The following PRKCE variants were observed in gnomAD, a reference collection of about 807,000 sequenced individuals.
PRKCE encodes the protein protein kinase C epsilon type.
In PRKCE, 16 loss-of-function variants were observed where a neutral mutation model predicts 85.4. The ratio of observed to expected loss-of-function variants is 0.19; its 90% CI spans 0.13 to 0.28. The LOEUF is 0.28. Ranked by LOEUF, PRKCE falls within the 10% of genes least tolerant of loss-of-function variation. The pLI is 1.00. For missense variants in PRKCE, 573 were observed against 975.2 expected, an observed-to-expected ratio of 0.59 and a Z score of 5.49; for synonymous variants, 388 against 371.5, an observed-to-expected ratio of 1.04 and a Z score of -0.51.
intron 10 of PRKCE, among the ~76,000 whole-genome samples, chr2:46,047,180 G>A (rs560767884): frequency 2.6e-5 from 4 of 152,182 alleles, no homozygotes; most frequent in Admixed American, 6.5e-5. Context: ...ACAGGATTAA[G>A]AGCAGGCTGG....
intron 1 of PRKCE, among the ~76,000 whole-genome samples, chr2:45,776,321 C>T (rs1685745281): frequency 6.6e-6 from 1 of 152,230 alleles, no homozygotes; most frequent in Non-Finnish European, 1.5e-5. Context: ...AGGGATCAGA[C>T]ATCATTACTT....
intron 10 of PRKCE, among the ~76,000 whole-genome samples, chr2:46,065,704 G>A (rs1667569138): frequency 6.6e-6 from 1 of 151,834 alleles, no homozygotes; most frequent in Non-Finnish European, 1.5e-5. Context: ...GAAACATATG[G>A]CAAAAAGGAA....
At chr2:45,800,587 G>A (rs1302494910) in intron 1 of PRKCE, among the ~76,000 whole-genome samples, 2 of 152,258 alleles carry the variant, frequency 1.3e-5, no homozygotes, top group Non-Finnish European at 2.9e-5. Context: ...GAAGGAGTAA[G>A]TTCTGGAGAG....
intron 2 of PRKCE, among the ~76,000 whole-genome samples, chr2:45,962,644 C>G (rs1037795483): frequency 2.0e-5 from 3 of 152,204 alleles, no homozygotes; most frequent in Non-Finnish European, 4.4e-5. Flanking sequence ...CCAACATTCT[C>G]ATATCACTAT....
At chr2:45,986,452 T>C (rs1262503804) in intron 6 of PRKCE, among the ~76,000 whole-genome samples, 1 of 151,942 alleles carries the variant, frequency 6.6e-6, no homozygotes, top group Non-Finnish European at 1.5e-5. Context: ...GGGAGAATGA[T>C]GGACACCGCC....
rs187744682 is a variant in PRKCE at position 45,686,148 on chromosome 2, G to A, written c.348+33700G>A. The A allele has an allele frequency of 5.3e-5, 8 of 152,200 alleles. No homozygotes were observed. In the East Asian group the frequency reaches 1.5e-3, roughly 29 times the overall value. The allele number at this position is 152,200 out of a possible 1,614,324, so 9.4% of individuals were successfully genotyped here. The stretch of plus-strand genomic sequence containing the variant: ...AGGAGTATGCAAGCAGAAACCCAGA[G>A]GGCTTTAGCAGGGTAAATGTAGATG... On this transcript the variant is annotated intron_variant, in intron 1 of 14. Coordinates refer to ENST00000306156, the MANE Select transcript of PRKCE (RefSeq NM_005400.3).
Position 45,772,800 on chromosome 2 carries a change from G to T in PRKCE, c.349-70200G>T, listed in dbSNP as rs187920535. 1.4e-4 allele frequency among the ~76,000 whole-genome samples: 21 copies of T among 152,222 alleles called. No homozygotes were observed. The East Asian group carries it at 3.9e-3, about 28-fold the overall frequency. On this transcript the variant is annotated intron_variant, in intron 1 of 14. Transcript: ENST00000306156. ...GTGTATCTCGGGGAAGAGGAGCAGG[G>T]GCTGAAGAGGACAAGGTGTCCTCCT...
At chr2:46,096,095 A>G (rs558206053) in intron 11 of PRKCE, among the ~76,000 whole-genome samples, 3 of 152,336 alleles carry the variant, frequency 2.0e-5, no homozygotes, top group Admixed American at 6.5e-5. Context: ...GGGAAGCAAC[A>G]TTGTATGTTG....
chr2:45,830,664 A>G (rs1573527603), intron 1 of PRKCE, among the ~76,000 whole-genome samples: 1 of 123,394 alleles, frequency 8.1e-6, no homozygotes, highest in East Asian at 2.2e-4. Context: ...GAGACATATC[A>G]CTGTGGCATT....
At chr2:45,903,821 A>G (rs1472141885) in intron 2 of PRKCE, among the ~76,000 whole-genome samples, 1 of 151,510 alleles carries the variant, frequency 6.6e-6, no homozygotes, top group Non-Finnish European at 1.5e-5. Context: ...CCACCTCATC[A>G]CTTTCATCAT....
chr2:46,059,176 A>T (rs1410994852), intron 10 of PRKCE, among the ~76,000 whole-genome samples: 1 of 110,958 alleles, frequency 9.0e-6, no homozygotes, highest in East Asian at 1.9e-4. Context: ...ACTAGCCATG[A>T]GCCCAGGAGG....
intron 4 of PRKCE, among the ~76,000 whole-genome samples, chr2:45,979,433 A>G (rs13415039): frequency 0.039 from 5,886 of 152,272 alleles, 177 homozygotes; most frequent in South Asian, 0.11. Context: ...GGTATCACTG[A>G]AAGGTCCTTG....
At chr2:45,653,336 C>G (rs1675215346) in intron 1 of PRKCE, among the ~76,000 whole-genome samples, 1 of 128,530 alleles carries the variant, frequency 7.8e-6, no homozygotes, top group African/African-American at 2.8e-5. Context: ...GAGAAGCAAA[C>G]CTTCATTTTG....
chr2:46,016,966 C>T (rs1706212471), intron 10 of PRKCE, among the ~76,000 whole-genome samples: 1 of 149,158 alleles, frequency 6.7e-6, no homozygotes, highest in Admixed American at 6.7e-5. Flanking sequence ...CATTTTATAA[C>T]TGCCTAATGA....
At chr2:45,883,066 G>C (rs551903271) in intron 2 of PRKCE, among the ~76,000 whole-genome samples, 1 of 152,292 alleles carries the variant, frequency 6.6e-6, no homozygotes, top group South Asian at 2.1e-4. Context: ...GTAAAAAATG[G>C]GAAAAAAGCC....
chr2:46,101,105 G>A (rs186600170), intron 11 of PRKCE, among the ~76,000 whole-genome samples: 51 of 152,258 alleles, frequency 3.3e-4, no homozygotes, highest in Non-Finnish European at 4.4e-5. Flanking sequence ...CTGACCTCGA[G>A]TGATCTGTCC....
At chr2:45,857,756 C>A in intron 2 of PRKCE, among the ~76,000 whole-genome samples, 1 of 151,940 alleles carries the variant, frequency 6.6e-6, no homozygotes, top group Non-Finnish European at 1.5e-5. Context: ...ATAAAGTATT[C>A]AAATAATTGT....
chr2:45,713,960 C>T (rs1421921905), intron 1 of PRKCE, among the ~76,000 whole-genome samples: 1 of 152,236 alleles, frequency 6.6e-6, no homozygotes, highest in Non-Finnish European at 1.5e-5. Context: ...CTTCAACCCC[C>T]ACACCTCCAA....
chr2:45,699,641 T>G (rs751199058), intron 1 of PRKCE, among the ~76,000 whole-genome samples: 6 of 152,206 alleles, frequency 3.9e-5, no homozygotes, highest in Non-Finnish European at 8.8e-5. Flanking sequence ...CCTTAATAAC[T>G]GTTTAAAGCT....
Sources: gnomAD v4.1 joint callset for allele counts (sites outside exome capture counted in the v4.1 genomes callset) on GRCh38, gnomAD v4.1.1 for gene constraint, MANE v1.5 for transcripts, NCBI Gene and HGNC (gene_info 2026-07-23, HGNC 2026-07-21) for gene names.